The following PHF20L1 variants were observed in gnomAD, a reference collection of about 807,000 sequenced individuals.
PHF20L1 encodes PHD finger protein 20-like protein 1.
Under a neutral mutation model 125.5 loss-of-function variants are expected in PHF20L1, and 44 were observed. The observed-to-expected ratio is 0.35, with a 90% CI of 0.28 to 0.45. The LOEUF is 0.45. Among genes scored for constraint, PHF20L1 ranks in the 20% least tolerant of loss-of-function variants. The pLI, the probability that PHF20L1 is intolerant of heterozygous loss-of-function variation, is 1.00. For missense variants in PHF20L1, 1,012 were observed against 1,217.2 expected, an observed-to-expected ratio of 0.83 and a Z score of 2.51; for synonymous variants, 380 against 403.1, an observed-to-expected ratio of 0.94 and a Z score of 0.69.
chr8:132,836,838 T>TA, intron 16 of PHF20L1, 117 bp downstream of exon 16: 1 of 715,524 alleles, frequency 1.4e-6, no homozygotes, highest in South Asian at 1.9e-5. Context: ...GTTTCTAACT[T>TA]ACTGTGTGGA....
At chr8:132,784,742 A>G (rs1830820283) in intron 2 of PHF20L1, among the ~76,000 whole-genome samples, 1 of 152,210 alleles carries the variant, frequency 6.6e-6, no homozygotes, top group Non-Finnish European at 1.5e-5. Flanking sequence ...ACTATAACCC[A>G]TTGTCTTGCA....
In PHF20L1 at chr8:132,817,441, C is replaced by T. The variant is rs143622443; in HGVS notation, c.1475C>T (p.Ser492Phe). The T allele has an allele frequency of 3.0e-5, 49 of 1,612,544 alleles. No individual in the cohort carries two copies. The highest frequency in any genetic ancestry group is 3.8e-5 in the Non-Finnish European group (45 of 1,179,180). Reference protein sequence around the residue: ...EVTAPVASDSSYRNECPRAEK... With the variant: ...EVTAPVASDSFYRNECPRAEK... ...ACAGCACCGGTAGCCTCAGATTCCT[C>T]TTACCGTAATGAATGTCCCAGGGCA... The change falls in exon 12 of 21, where the codon TCT becomes TTT. Residue 492 changes from serine (S) to phenylalanine (F), a missense_variant. Around this residue, in one of 7 missense-constraint regions of PHF20L1, gnomAD observed 320 missense variants for 293.8 expected, o/e 1.09. Coordinates refer to ENST00000395386, the MANE Select transcript of PHF20L1 (RefSeq NM_016018.5).
chr8:132,786,268 G>T (rs979915539), intron 2 of PHF20L1, among the ~76,000 whole-genome samples: 1 of 151,978 alleles, frequency 6.6e-6, no homozygotes, highest in Non-Finnish European at 1.5e-5. Flanking sequence ...TTAATAATGT[G>T]ATGTATCATA....
At chr8:132,809,853 C>G (rs561497473) in intron 8 of PHF20L1, 25 of 152,154 alleles carry the variant, frequency 1.6e-4, no homozygotes, top group African/African-American at 6.0e-4. Flanking sequence ...TGAAATGACA[C>G]AGAAATGAAT....
chr8:132,805,754 A>G (rs572874490), intron 8 of PHF20L1, among the ~76,000 whole-genome samples: 31 of 152,022 alleles, frequency 2.0e-4, no homozygotes, highest in Admixed American at 5.3e-4. Context: ...TAGAACCACC[A>G]TTTCATTTAT....
chr8:132,821,398 A>G (rs975272762), intron 12 of PHF20L1, among the ~76,000 whole-genome samples: 1 of 151,986 alleles, frequency 6.6e-6, no homozygotes, highest in African/African-American at 2.4e-5. Flanking sequence ...GCAAAAAAGC[A>G]TCTTGTCAGT....
chr8:132,793,028 C>T (rs920129751), intron 2 of PHF20L1, among the ~76,000 whole-genome samples: 1 of 146,080 alleles, frequency 6.8e-6, no homozygotes, highest in African/African-American at 2.6e-5. Flanking sequence ...TGTTCTTCAG[C>T]ACCCAGTTTG....
intron 9 of PHF20L1, among the ~76,000 whole-genome samples, chr8:132,813,827 T>A (rs1396054551): frequency 6.6e-6 from 1 of 151,990 alleles, no homozygotes; most frequent in Non-Finnish European, 1.5e-5. Context: ...TACAGCCAAA[T>A]GAATAAAAAT....
intron 12 of PHF20L1, among the ~76,000 whole-genome samples, chr8:132,819,702 A>G (rs1174306055): frequency 4.6e-5 from 7 of 151,874 alleles, no homozygotes; most frequent in South Asian, 2.1e-4. Flanking sequence ...ACATATGTAC[A>G]TATATGCACA....
At chr8:132,824,887 A>G (rs7003113) in intron 13 of PHF20L1, 7,031 of 427,120 alleles carry the variant, frequency 0.016, 454 homozygotes, top group African/African-American at 0.13. Flanking sequence ...AAATCTCCTA[A>G]TTTATTCTCT....
chr8:132,775,818 C>A (rs978344864), intron 1 of PHF20L1, among the ~76,000 whole-genome samples, 173 bp downstream of exon 1: 2 of 152,062 alleles, frequency 1.3e-5, no homozygotes, highest in Admixed American at 6.5e-5. Flanking sequence ...CCCTTCCTTA[C>A]CCCCCTGCGG....
intron 17 of PHF20L1, chr8:132,838,479 T>C (rs547297745): frequency 6.6e-6 from 1 of 152,448 alleles, no homozygotes; most frequent in South Asian, 2.1e-4. Context: ...TCCACCATGC[T>C]GTCTACTTGG....
In PHF20L1 at chr8:132,836,625, A is replaced by C. The variant is rs752435493; in HGVS notation, c.1995A>C (p.Ser665=). Residue 665 remains serine (S), a synonymous_variant, in exon 16 of 21, where the codon TCA becomes TCC. Transcript: ENST00000395386. ...SGDEYNQDFD[S]TNFEESQDED... ...ATGAATACAATCAGGACTTTGATTCAACCAATTTTGAGGAATCTCAGGATG... is the reference window on the plus strand; with the variant it reads ...ATGAATACAATCAGGACTTTGATTCCACCAATTTTGAGGAATCTCAGGATG... The C allele has an allele frequency of 6.2e-7, 1 of 1,613,052 alleles. No homozygotes were observed. Among genetic ancestry groups the C allele is most frequent in the Non-Finnish European group, 8.5e-7 (1 of 1,179,220 alleles).
chr8:132,816,876 ATCT>A lies in PHF20L1; in HGVS notation c.1184-10_1184-8del, dbSNP rs1413855684. 6.3e-7 allele frequency: 1 copy of A among 1,593,030 alleles called. No individual in the cohort carries two copies. The highest frequency in any genetic ancestry group is 1.3e-5 in the African/African-American group (1 of 74,202). ...TGTATCTGCTTCGTGAACATTGAAGATCTTTTTCTAGGTCCTCCACAGCCTGTG... is the reference window on the plus strand; with the variant it reads ...TGTATCTGCTTCGTGAACATTGAAGATTTTCTAGGTCCTCCACAGCCTGTG... On this transcript the variant is annotated splice_polypyrimidine_tract_variant and intron_variant, in intron 10 of 20. Coordinates refer to ENST00000395386, the MANE Select transcript of PHF20L1 (RefSeq NM_016018.5).
rs1197022033 is a variant in PHF20L1, at chr8:132,847,983, T to G, written c.*2060T>G. On this transcript the variant is annotated 3_prime_UTR_variant, in exon 21 of 21. Coordinates refer to ENST00000395386, the MANE Select transcript of PHF20L1 (RefSeq NM_016018.5). ...CATGGCTACATTCTAGACATTGAATTTATATCTTCTTTTTTTCAGATACGG... is the reference window on the plus strand; with the variant it reads ...CATGGCTACATTCTAGACATTGAATGTATATCTTCTTTTTTTCAGATACGG... 1 of 152,108 alleles carries G rather than the reference T, an allele frequency of 6.6e-6. No individual in the cohort carries two copies. The highest frequency in any genetic ancestry group is 1.9e-4 in the East Asian group (1 of 5,200). The allele number at this position is 152,108 out of a possible 1,614,324, so 9.4% of individuals were successfully genotyped here.
At chr8:132,837,100 A>C (rs1837441656) in intron 16 of PHF20L1, among the ~76,000 whole-genome samples, 1 of 152,164 alleles carries the variant, frequency 6.6e-6, no homozygotes, top group Admixed American at 6.5e-5. Context: ...TGATTAAAAC[A>C]TAAAAATGTC....
At chr8:132,825,487 C>T in intron 14 of PHF20L1, 116 bp downstream of exon 14, 2 of 780,298 alleles carry the variant, frequency 2.6e-6, no homozygotes, top group Non-Finnish European at 3.8e-6. Context: ...GTGTTGAGAA[C>T]TGAAAGGTTT....
chr8:132,840,873 C>T lies in PHF20L1; in HGVS notation c.2387+1291C>T, dbSNP rs564153201. ...AGTCATGGGATCCTTTAAAATAGGG[C>T]TTGTGTCCTATTCATCATTTTGTCT... On this transcript the variant is annotated intron_variant, in intron 18 of 20. Coordinates refer to ENST00000395386, the MANE Select transcript of PHF20L1 (RefSeq NM_016018.5). Among the ~76,000 whole-genome samples the T allele has an allele frequency of 2.0e-5, 3 of 152,166 alleles. No individual in the cohort carries two copies. In the South Asian group the frequency reaches 6.2e-4, roughly 32 times the overall value.
Position 132,814,723 on chromosome 8 carries a change from C to T in PHF20L1, c.1017C>T (p.Ser339=). 6.2e-7 allele frequency: 1 copy of T among 1,612,784 alleles called. No individual in the cohort carries two copies. Among genetic ancestry groups the T allele is most frequent in the Non-Finnish European group, 8.5e-7 (1 of 1,179,102 alleles). ...ACACTCAGAAACCTGCACTGTTATC[C>T]TCAACTTTGTCTTCAGGGAAGGCTC... is the stretch of plus-strand genomic sequence containing the variant. ...SANTQKPALL[S]STLSSGKARS... The change falls in exon 10 of 21, where the codon TCC becomes TCT. Residue 339 remains serine (S), a synonymous_variant. Coordinates refer to ENST00000395386, the MANE Select transcript of PHF20L1 (RefSeq NM_016018.5).
Sources: gnomAD v4.1 joint callset for allele counts (sites outside exome capture counted in the v4.1 genomes callset) on GRCh38, gnomAD v4.1.1 for gene constraint, gnomAD v4.1.1 regional missense constraint, MANE v1.5 for transcripts, NCBI Gene and HGNC (gene_info 2026-07-23, HGNC 2026-07-21) for gene names.